USP5: variants seen among roughly 807,000 people sequenced by gnomAD.
USP5 encodes the protein ubiquitin specific peptidase 5.
Under a neutral mutation model 102.5 loss-of-function variants are expected in USP5, and 24 were observed. That is an observed-to-expected ratio of 0.23 (90% CI 0.17 to 0.33). The LOEUF is 0.33. Among genes scored for constraint, USP5 ranks in the 10% least tolerant of loss-of-function variants. USP5 has a pLI of 1.00. For synonymous variants in USP5, 460 were observed against 434.8 expected (o/e 1.06, Z -0.72); for missense variants, 753 against 1,122.1 (o/e 0.67, Z 4.70).
Position 6,860,870 on chromosome 12 carries a change from C to CT in USP5, c.1345-82dup. 1.3e-6 allele frequency: 2 copies of CT among 1,566,652 alleles called. No homozygotes were observed. Among genetic ancestry groups the CT allele is most frequent in the Non-Finnish European group, 1.7e-6 (2 of 1,150,568 alleles). On this transcript the variant is annotated intron_variant, in intron 11 of 19. Transcript: ENST00000229268. The surrounding 1 kb of genome is among the most constrained non-coding windows in gnomAD (Gnocchi z 5.5). ...AGTTCCGAGTGGTAGTCTGCCTTCT[C>CT]TCCCTGACTCTCCCATGAACCTTTC...
At chr12:6,865,936 TTGAA>T in intron 19 of USP5, 44 bp from the exon 20 acceptor site, 1 of 1,550,824 alleles carries the variant, frequency 6.4e-7, no homozygotes, top group Non-Finnish European at 8.9e-7. Flanking sequence ...TGATGCCACT[TTGAA>T]TGCCCAGTTT....
intron 13 of USP5, among the ~76,000 whole-genome samples, chr12:6,862,258 C>CT (rs1555129717): frequency 1.3e-5 from 2 of 151,888 alleles, no homozygotes; most frequent in African/African-American, 4.8e-5. Context: ...TTTTCTTTTT[C>CT]TTTTTTTTGT....
chr12:6,855,681 C>T lies in USP5; in HGVS notation c.238-74C>T, dbSNP rs1321056350. 3.1e-6 allele frequency: 5 copies of T among 1,604,016 alleles called. No individual in the cohort carries two copies. Among genetic ancestry groups the T allele is most frequent in the South Asian group, 1.1e-5 (1 of 90,530 alleles). On this transcript the variant is annotated intron_variant, in intron 2 of 19. Coordinates refer to ENST00000229268, the MANE Select transcript of USP5 (RefSeq NM_001098536.2). This position sits in a 1 kb window ranked among gnomAD's most constrained non-coding sequence, Gnocchi z 4.6. ...TCCGTTCTGAGATGAAGCACTACCT[C>T]CTTCCGTCCCTCCTCCCGACTTGTT...
chr12:6,862,443 G>T lies in USP5; in HGVS notation c.1674-27G>T. 7 of 1,603,264 alleles carry T rather than the reference G, an allele frequency of 4.4e-6. No individual in the cohort carries two copies. In the South Asian group the frequency reaches 6.6e-5, roughly 15 times the overall value. ...AGAGGAAAACCCTGGGGATTGTCTG[G>T]GTACCAGCACAGTCTCTCTTCCCTA... is the stretch of plus-strand genomic sequence containing the variant. On this transcript the variant is annotated intron_variant, in intron 13 of 19. Coordinates refer to ENST00000229268, the MANE Select transcript of USP5 (RefSeq NM_001098536.2).
Position 6,856,057 on chromosome 12 carries a change from A to G in USP5, c.345A>G (p.Glu115=). 6.2e-7 allele frequency: 1 copy of G among 1,614,152 alleles called. No individual in the cohort carries two copies. The highest frequency in any genetic ancestry group is 1.1e-5 in the South Asian group (1 of 91,080). ...GGFDLSEEKF[E]LDEDVKIVIL... ...TTGACCTTAGCGAGGAGAAGTTTGA[A>G]TTAGACGAGGATGTGAAGATTGTCA... Residue 115 remains glutamate, a synonymous_variant, in exon 4 of 20, where the codon GAA becomes GAG. Transcript: ENST00000229268. The surrounding 1 kb of genome is among the most constrained non-coding windows in gnomAD (Gnocchi z 5.6).
At position 6,861,521 on chromosome 12, in the gene USP5, A is replaced by G. The variant is rs1484274209; in HGVS notation, c.1577A>G (p.Gln526Arg). ...GCACTGCCAGAACTGGTTCGGGCCCAGGTGCCCTTCAGCTCTTGCCTGGAG... is the reference window on the plus strand; with the variant it reads ...GCACTGCCAGAACTGGTTCGGGCCCGGGTGCCCTTCAGCTCTTGCCTGGAG... Reference protein sequence around the residue: ...KMALPELVRAQVPFSSCLEAY... With the variant: ...KMALPELVRARVPFSSCLEAY... The change falls in exon 13 of 20, where the codon CAG (glutamine) becomes CGG (arginine). Residue 526 changes from glutamine (Q) to arginine (R), a missense_variant. Gln to Arg is a conservative substitution (Grantham distance 43, BLOSUM62 1). This residue lies in a region of USP5 where 527 missense variants were observed against 816.5 expected (regional missense o/e 0.65). Transcript: ENST00000229268. This position sits in a 1 kb window ranked among gnomAD's most constrained non-coding sequence, Gnocchi z 4.9. The G allele has an allele frequency of 6.2e-7, 1 of 1,602,274 alleles. No individual in the cohort carries two copies. The highest frequency in any genetic ancestry group is 8.5e-7 in the Non-Finnish European group (1 of 1,170,412).
In USP5 at chr12:6,856,809, C is replaced by A; in HGVS notation, c.687C>A (p.Gly229=). 2 of 1,614,158 alleles carry A rather than the reference C, an allele frequency of 1.2e-6. No homozygotes were observed. Among genetic ancestry groups the A allele is most frequent in the Non-Finnish European group, 1.7e-6 (2 of 1,180,034 alleles). ...CGRRYFDGSG[G]NNHAVEHYRE... is the part of the protein sequence containing the mutation. ...GACGCTACTTCGATGGCAGTGGGGG[C>A]AACAACCACGCTGTGGAGCACTACC... The change falls in exon 6 of 20, where the codon GGC becomes GGA. Residue 229 remains glycine (G), a synonymous_variant. Coordinates refer to ENST00000229268, the MANE Select transcript of USP5 (RefSeq NM_001098536.2). This position sits in a 1 kb window ranked among gnomAD's most constrained non-coding sequence, Gnocchi z 5.6.
At position 6,857,148 on chromosome 12, in the gene USP5, G is replaced by C. The variant is rs782310030; in HGVS notation, c.769+257G>C. 7.2e-5 allele frequency among the ~76,000 whole-genome samples: 11 copies of C among 152,168 alleles called. No homozygotes were observed. The East Asian group carries it at 1.7e-3, about 24-fold the overall frequency. On this transcript the variant is annotated intron_variant, in intron 6 of 19. Transcript: ENST00000229268. The stretch of plus-strand genomic sequence containing the variant: ...AAAAAAGAAAAAAAAAGAAAAATTG[G>C]CTGGGTGTGGTAGCTCCTGCCTGTA...
At chr12:6,852,726 G>A (rs1345628858) in intron 1 of USP5, among the ~76,000 whole-genome samples, 7 of 152,236 alleles carry the variant, frequency 4.6e-5, no homozygotes, top group African/African-American at 2.4e-5. Context: ...GAGTTGGGGG[G>A]TGGGGACCGC....
In USP5 at chr12:6,861,528, C is replaced by T. The variant is rs921264641; in HGVS notation, c.1584C>T (p.Pro528=). Residue 528 remains proline, a synonymous_variant, in exon 13 of 20, where the codon CCC becomes CCT. Transcript: ENST00000229268. This position sits in a 1 kb window ranked among gnomAD's most constrained non-coding sequence, Gnocchi z 4.9. ...CAGAACTGGTTCGGGCCCAGGTGCC[C>T]TTCAGCTCTTGCCTGGAGGCCTACG... ...ALPELVRAQV[P]FSSCLEAYGA... 1 of 1,602,368 alleles carries T rather than the reference C, an allele frequency of 6.2e-7. No homozygotes were observed. Among genetic ancestry groups the T allele is most frequent in the South Asian group, 1.1e-5 (1 of 90,746 alleles).
chr12:6,857,822 A>G lies in USP5; in HGVS notation c.864+99A>G, dbSNP rs1944165075. ...AGGTAGGGTTTTGGAGAAATCTTCT[A>G]GTTAACCCCATCCCCAAGATACACA... is the stretch of plus-strand genomic sequence containing the variant. On this transcript the variant is annotated intron_variant, in intron 7 of 19. Transcript: ENST00000229268. The G allele has an allele frequency of 3.5e-6, 4 of 1,154,286 alleles. No homozygotes were observed. The Admixed American group carries it at 5.7e-5, about 17-fold the overall frequency. 71.5% of individuals were successfully genotyped at this position (1,154,286 alleles called of 1,614,324 possible).
In USP5 at chr12:6,859,499, A is replaced by T. The variant is rs782607859; in HGVS notation, c.1088A>T (p.Gln363Leu). The T allele has an allele frequency of 6.2e-7, 1 of 1,614,194 alleles. No homozygotes were observed. The highest frequency in any genetic ancestry group is 1.7e-5 in the Admixed American group (1 of 60,022). ...GTGGATAAGCTGGAGAAGATCTTCC[A>T]GAATGCCCCGACGGACCCTACCCAG... Reference protein sequence around the residue: ...KYVDKLEKIFQNAPTDPTQDF... With the variant: ...KYVDKLEKIFLNAPTDPTQDF... Residue 363 changes from glutamine to leucine, a missense_variant, in exon 9 of 20, where the codon CAG becomes CTG. Gln to Leu is a moderately radical substitution (Grantham distance 113). This residue lies in a region of USP5 where 527 missense variants were observed against 816.5 expected (regional missense o/e 0.65). Coordinates refer to ENST00000229268, the MANE Select transcript of USP5 (RefSeq NM_001098536.2).
Position 6,856,982 on chromosome 12 carries a change from T to TA in USP5, c.769+92dup. 2 of 1,457,066 alleles carry TA rather than the reference T, an allele frequency of 1.4e-6. No homozygotes were observed. The highest frequency in any genetic ancestry group is 1.8e-6 in the Non-Finnish European group (2 of 1,088,186). 90.3% of individuals were successfully genotyped at this position (1,457,066 alleles called of 1,614,324 possible). A position where few individuals can be genotyped will look rare whatever the true frequency, so the allele number is the denominator to read the frequency against. On this transcript the variant is annotated intron_variant, in intron 6 of 19. Transcript: ENST00000229268. This position sits in a 1 kb window ranked among gnomAD's most constrained non-coding sequence, Gnocchi z 5.6. ...TGACATGTATAATACATGAATGCAT[T>TA]ATCTTGATAAGAAAGGAAAGTAGTC... is the stretch of plus-strand genomic sequence containing the variant.
rs1167636623 is a variant in USP5, at chr12:6,858,345, C to T, written c.865-79C>T. The T allele has an allele frequency of 2.0e-6, 3 of 1,468,674 alleles. No homozygotes were observed. The highest frequency in any genetic ancestry group is 3.6e-5 in the Admixed American group (2 of 55,932). 91.0% of individuals were successfully genotyped at this position (1,468,674 alleles called of 1,614,324 possible). A position where few individuals can be genotyped will look rare whatever the true frequency, so the allele number is the denominator to read the frequency against. On this transcript the variant is annotated intron_variant, in intron 7 of 19. Transcript: ENST00000229268. The surrounding 1 kb of genome is among the most constrained non-coding windows in gnomAD (Gnocchi z 4.2). ...ATTCTAGGCCACAGTTGAGTATCAT[C>T]CTAGACTCAGTGAGAGATCGAGGTA... is the stretch of plus-strand genomic sequence containing the variant.
rs1944188908 is a variant in USP5 at position 6,858,721 on chromosome 12, T to TA, written c.1058+105dup. On this transcript the variant is annotated intron_variant, in intron 8 of 19. Coordinates refer to ENST00000229268, the MANE Select transcript of USP5 (RefSeq NM_001098536.2). The surrounding 1 kb of genome is among the most constrained non-coding windows in gnomAD (Gnocchi z 4.2). The stretch of plus-strand genomic sequence containing the variant: ...GCACCTCTGTGTTTGATTCTAGTCT[T>TA]AGAGTAGTTCCTATCGGCTGGGTGT... 8.9e-7 allele frequency: 1 copy of TA among 1,119,288 alleles called. No homozygotes were observed. The highest frequency in any genetic ancestry group is 1.3e-6 in the Non-Finnish European group (1 of 787,384). 69.3% of individuals were successfully genotyped at this position (1,119,288 alleles called of 1,614,324 possible). A position where few individuals can be genotyped will look rare whatever the true frequency, so the allele number is the denominator to read the frequency against.
In USP5 at chr12:6,852,157, G is replaced by A. The variant is rs1390158768; in HGVS notation, c.-23G>A. ...CTGGGAACGGTGGGAGCCGCCGTGT[G>A]TGGAGAAGCTGCTGCCGGTGTCATG... On this transcript the variant is annotated 5_prime_UTR_variant, in exon 1 of 20. It adds an upstream start codon to the 5' untranslated region. Transcript: ENST00000229268. 6.2e-7 allele frequency: 1 copy of A among 1,600,176 alleles called. No homozygotes were observed. Among genetic ancestry groups the A allele is most frequent in the East Asian group, 2.3e-5 (1 of 44,402 alleles).
rs139322893 is a variant in USP5 at position 6,858,550 on chromosome 12, C to T, written c.991C>T (p.Leu331=). The part of the protein sequence containing the change: ...FGPGYTGIRN[L]GNSCYLNSVV... ...GCCTGGCTACACAGGCATCCGGAACCTGGGTAACAGCTGCTACCTCAACTC... is the reference window on the plus strand; with the variant it reads ...GCCTGGCTACACAGGCATCCGGAACTTGGGTAACAGCTGCTACCTCAACTC... The change falls in exon 8 of 20, where the codon CTG becomes TTG. Residue 331 remains leucine (L), a synonymous_variant. Transcript: ENST00000229268. The surrounding 1 kb of genome is among the most constrained non-coding windows in gnomAD (Gnocchi z 4.2). The T allele has an allele frequency of 1.4e-4, 223 of 1,613,724 alleles. No homozygotes were observed. The highest frequency in any genetic ancestry group is 1.8e-4 in the Non-Finnish European group (211 of 1,179,710).
In USP5 at chr12:6,860,976, T is replaced by C. The variant is rs138475962; in HGVS notation, c.1368T>C (p.Asn456=). Residue 456 remains asparagine (N), a synonymous_variant, in exon 12 of 20, where the codon AAT becomes AAC. Coordinates refer to ENST00000229268, the MANE Select transcript of USP5 (RefSeq NM_001098536.2). This position sits in a 1 kb window ranked among gnomAD's most constrained non-coding sequence, Gnocchi z 5.5. The stretch of plus-strand genomic sequence containing the variant: ...AGAGGAATTGCCGGAGCTCTGAAAA[T>C]CCTAATGAAGTGTTCCGCTTCTTGG... ...MVERNCRSSE[N]PNEVFRFLVE... 254 of 1,613,926 alleles carry C rather than the reference T, an allele frequency of 1.6e-4. 1 individual carries two copies. Among genetic ancestry groups the C allele is most frequent in the Non-Finnish European group, 1.1e-5 (13 of 1,179,982 alleles).
chr12:6,865,265 T>C lies in USP5; in HGVS notation c.2483+17T>C. 1 of 1,608,704 alleles carries C rather than the reference T, an allele frequency of 6.2e-7. No individual in the cohort carries two copies. The highest frequency in any genetic ancestry group is 1.1e-5 in the South Asian group (1 of 90,950). ...AGAAGGCAGGTGAGTGCTGGCCACA[T>C]GCGTTTTGAATGGAGAATGGTGGTG... On this transcript the variant is annotated intron_variant, in intron 19 of 19. Transcript: ENST00000229268.
Sources: gnomAD v4.1 joint callset for allele counts (sites outside exome capture counted in the v4.1 genomes callset) on GRCh38, gnomAD v4.1.1 for gene constraint, gnomAD v4.1.1 regional missense constraint, Gnocchi (gnomAD v3.1) non-coding constraint, MANE v1.5 for transcripts, NCBI Gene and HGNC (gene_info 2026-07-23, HGNC 2026-07-21) for gene names.